ALK: variants seen among roughly 807,000 people sequenced by gnomAD.
ALK encodes ALK receptor tyrosine kinase.
A neutral mutation model predicts 163.1 loss-of-function variants in ALK; 74 were observed. The observed-to-expected ratio is 0.45, with a 90% CI of 0.38 to 0.55. The LOEUF is 0.55. Ranked by LOEUF, ALK falls within the 20% of genes least tolerant of loss-of-function variation. ALK has a pLI of 0.00. For synonymous variants in ALK, 960 were observed against 843.2 expected (o/e 1.14, Z -2.40); for missense variants, 2,063 against 2,105.3 (o/e 0.98, Z 0.39).
intron 4 of ALK, among the ~76,000 whole-genome samples, chr2:29,507,894 C>A (rs762886906): frequency 5.9e-5 from 9 of 152,158 alleles, no homozygotes; most frequent in Non-Finnish European, 1.2e-4. Flanking sequence ...GTTATCTTGG[C>A]CCCCAGCGTG....
intron 5 of ALK, among the ~76,000 whole-genome samples, chr2:29,358,962 G>A (rs1291041149): frequency 1.3e-5 from 2 of 152,070 alleles, no homozygotes; most frequent in East Asian, 3.9e-4. Flanking sequence ...TTTCCACTAA[G>A]AGTTGTACAA....
At chr2:29,487,991 T>G (rs1238786567) in intron 4 of ALK, among the ~76,000 whole-genome samples, 3 of 152,140 alleles carry the variant, frequency 2.0e-5, no homozygotes, top group Non-Finnish European at 2.9e-5. Flanking sequence ...TGTTATTTTT[T>G]TTTTCTGTTG....
chr2:29,847,072 C>T (rs1406959778), intron 1 of ALK, among the ~76,000 whole-genome samples: 10 of 152,154 alleles, frequency 6.6e-5, no homozygotes, highest in Non-Finnish European at 1.3e-4. Flanking sequence ...GTGGCCTCCA[C>T]CAGCAAAAAC....
chr2:29,442,076 T>C (rs1031233339), intron 4 of ALK, among the ~76,000 whole-genome samples: 3 of 152,138 alleles, frequency 2.0e-5, no homozygotes, highest in Non-Finnish European at 1.5e-5. Flanking sequence ...TGCACCGAAG[T>C]GCACCCAAGA....
chr2:29,396,674 C>CAAAAA (rs891985037), intron 4 of ALK, among the ~76,000 whole-genome samples: 4 of 151,432 alleles, frequency 2.6e-5, no homozygotes, highest in African/African-American at 4.9e-5. Context: ...GACTCCATCT[C>CAAAAA]AAAAACAAAA....
chr2:29,598,968 A>G (rs1395023187), intron 3 of ALK, among the ~76,000 whole-genome samples: 2 of 152,190 alleles, frequency 1.3e-5, no homozygotes, highest in Non-Finnish European at 2.9e-5. Context: ...GTAAAAGGAC[A>G]CATAAAAAAG....
At chr2:29,236,564 T>G (rs756681763) in intron 13 of ALK, among the ~76,000 whole-genome samples, 1 of 152,224 alleles carries the variant, frequency 6.6e-6, no homozygotes, top group Non-Finnish European at 1.5e-5. Flanking sequence ...CCCCTGCTTC[T>G]GATGTCTCCT....
chr2:29,841,542 T>A (rs1385653909), intron 1 of ALK, among the ~76,000 whole-genome samples: 1 of 152,190 alleles, frequency 6.6e-6, no homozygotes, highest in African/African-American at 2.4e-5. Flanking sequence ...CATCTTGATG[T>A]CTTCCACCAA....
At chr2:29,503,215 T>C (rs749604408) in intron 4 of ALK, among the ~76,000 whole-genome samples, 2 of 152,228 alleles carry the variant, frequency 1.3e-5, no homozygotes, top group Non-Finnish European at 2.9e-5. Flanking sequence ...AGGTAACAAA[T>C]TATGATTCCC....
intron 1 of ALK, among the ~76,000 whole-genome samples, chr2:29,740,944 G>A (rs1313842152): frequency 6.6e-6 from 1 of 152,198 alleles, no homozygotes; most frequent in Non-Finnish European, 1.5e-5. Context: ...AGAGGTTGCA[G>A]TGAGCAGTGA....
chr2:29,740,601 T>C (rs921329126), intron 1 of ALK, among the ~76,000 whole-genome samples: 2 of 152,218 alleles, frequency 1.3e-5, no homozygotes, highest in African/African-American at 4.8e-5. Context: ...CAATATTAGG[T>C]GGCAAGTAAA....
chr2:29,222,672 G>T, intron 20 of ALK, 65 bp from the exon 21 acceptor site: 5 of 1,458,766 alleles, frequency 3.4e-6, no homozygotes, highest in Non-Finnish European at 3.8e-6. Context: ...GCAGCTGGGG[G>T]TCCTGAGCCT....
intron 1 of ALK, among the ~76,000 whole-genome samples, chr2:29,911,098 T>C (rs1572493937): frequency 6.6e-6 from 1 of 152,184 alleles, no homozygotes; most frequent in South Asian, 2.1e-4. Context: ...AAGTCTTCTG[T>C]TTTTACCTCT....
chr2:29,907,077 G>A (rs1027000337), intron 1 of ALK: 1 of 149,814 alleles, frequency 6.7e-6, no homozygotes, highest in Non-Finnish European at 1.5e-5. Context: ...AGCCTCCCGA[G>A]TAGCAGAAAT....
At chr2:29,200,748 TATAC>T (rs1669141997) in intron 26 of ALK, among the ~76,000 whole-genome samples, 3 of 71,762 alleles carry the variant, frequency 4.2e-5, no homozygotes, top group African/African-American at 7.1e-5. Flanking sequence ...TACGTATATA[TATAC>T]GTATATATGT....
chr2:29,247,037 G>A (rs779758472), intron 12 of ALK, among the ~76,000 whole-genome samples: 37 of 152,198 alleles, frequency 2.4e-4, no homozygotes, highest in Non-Finnish European at 4.0e-4. Flanking sequence ...TGTAGACAAT[G>A]CTTAGGGCCT....
intron 26 of ALK, among the ~76,000 whole-genome samples, chr2:29,199,633 T>C (rs138072547): frequency 3.9e-5 from 6 of 152,358 alleles, no homozygotes; most frequent in African/African-American, 1.2e-4. Context: ...GATACCATTC[T>C]ATTTTACTTT....
In ALK at chr2:29,716,477, A is replaced by C. The variant is rs577039864; in HGVS notation, c.787+1101T>G. ...TCTCTCCTCTAAATCTTCTCATTGC[A>C]GAGACCCAGCTACTATGAGCTGTTA... On this transcript the variant is annotated intron_variant, in intron 2 of 28. Coordinates refer to ENST00000389048, the MANE Select transcript of ALK (RefSeq NM_004304.5). Among the ~76,000 whole-genome samples the C allele has an allele frequency of 3.3e-5, 5 of 152,338 alleles. No homozygotes were observed. In the East Asian group the frequency reaches 9.6e-4, roughly 29 times the overall value.
At chr2:29,574,288 C>A (rs771608509) in intron 3 of ALK, among the ~76,000 whole-genome samples, 2 of 152,204 alleles carry the variant, frequency 1.3e-5, no homozygotes, top group Non-Finnish European at 2.9e-5. Context: ...GCCATGACAC[C>A]ACTTCTCCAT....
Sources: gnomAD v4.1 joint callset for allele counts (sites outside exome capture counted in the v4.1 genomes callset) on GRCh38, gnomAD v4.1.1 for gene constraint, MANE v1.5 for transcripts, NCBI Gene and HGNC (gene_info 2026-07-23, HGNC 2026-07-21) for gene names.